PALLD: variants seen among roughly 807,000 people sequenced by gnomAD.
PALLD encodes palladin.
In PALLD, 61 loss-of-function variants were observed where a neutral mutation model predicts 123.5. The ratio of observed to expected loss-of-function variants is 0.49; its 90% CI spans 0.40 to 0.61. The LOEUF (loss-of-function observed/expected upper bound fraction) is 0.61, where lower values mean the gene tolerates loss of function less well. Among genes scored for constraint, PALLD ranks in the 20% least tolerant of loss-of-function variants. The pLI is 0.00. For missense variants in PALLD, 1,273 were observed against 1,377.0 expected, an observed-to-expected ratio of 0.92 and a Z score of 1.20; for synonymous variants, 465 against 496.4, an observed-to-expected ratio of 0.94 and a Z score of 0.84.
chr4:168,638,869 C>T (rs1180912320), intron 2 of PALLD, among the ~76,000 whole-genome samples: 2 of 152,088 alleles, frequency 1.3e-5, no homozygotes, highest in African/African-American at 4.8e-5. Flanking sequence ...ATCAGCTTAC[C>T]CCGATTCACA....
intron 10 of PALLD, among the ~76,000 whole-genome samples, chr4:168,734,293 TA>T (rs1425880306): frequency 6.6e-6 from 1 of 152,010 alleles, no homozygotes; most frequent in Non-Finnish European, 1.5e-5. Flanking sequence ...TTTTTAAGTG[TA>T]AAAAGTTATC....
intron 10 of PALLD, among the ~76,000 whole-genome samples, chr4:168,825,694 T>C (rs1161426396): frequency 3.3e-5 from 5 of 152,044 alleles, no homozygotes; most frequent in South Asian, 2.1e-4. Flanking sequence ...AAAACGGCGC[T>C]GCAACACCCT....
chr4:168,549,904 TGAA>T (rs1580262139), intron 2 of PALLD, among the ~76,000 whole-genome samples: 1 of 152,294 alleles, frequency 6.6e-6, no homozygotes, highest in Non-Finnish European at 1.5e-5. Context: ...ATCCCCAAAA[TGAA>T]GAAGTTTATG....
Position 168,711,792 on chromosome 4 carries a change from CG to C in PALLD, c.1835del (p.Gly612GlufsTer8). The C allele has an allele frequency of 2.5e-6, 4 of 1,614,124 alleles. No homozygotes were observed. The highest frequency in any genetic ancestry group is 2.5e-6 in the Non-Finnish European group (3 of 1,179,994). On this transcript the variant is annotated frameshift_variant, in exon 10 of 22. Coordinates refer to ENST00000505667, the MANE Select transcript of PALLD (RefSeq NM_001166108.2). LOFTEE classifies it high-confidence loss of function. Reference protein sequence around the residue: ...QFNAAERETNGVHPSRGVNGL... With the variant: ...QFNAAERETNXVHPSRGVNGL... ...TCAATGCTGCTGAGAGGGAAACGAA[CG>C]GAGTCCATCCCAGCCGTGGAGTAAA...
intron 2 of PALLD, among the ~76,000 whole-genome samples, chr4:168,540,152 C>G (rs1381411379): frequency 1.3e-5 from 2 of 152,090 alleles, no homozygotes; most frequent in African/African-American, 4.8e-5. Context: ...CGACATGAGC[C>G]CTAACGATTT....
intron 2 of PALLD, among the ~76,000 whole-genome samples, chr4:168,528,622 A>G (rs1177309402): frequency 8.3e-6 from 1 of 119,912 alleles, no homozygotes; most frequent in East Asian, 2.1e-4. Flanking sequence ...AGGTAGGCAA[A>G]CTATCCAAAG....
At chr4:168,638,263 A>G (rs920066732) in intron 2 of PALLD, among the ~76,000 whole-genome samples, 8 of 152,206 alleles carry the variant, frequency 5.3e-5, no homozygotes, top group Admixed American at 2.0e-4. Flanking sequence ...CATCTTGCCC[A>G]AGATCACATG....
intron 10 of PALLD, among the ~76,000 whole-genome samples, chr4:168,770,072 T>C (rs1195926983): frequency 1.3e-5 from 2 of 152,002 alleles, no homozygotes; most frequent in Non-Finnish European, 2.9e-5. Flanking sequence ...AAGAGAGGGG[T>C]CTTGGAAGGT....
intron 2 of PALLD, among the ~76,000 whole-genome samples, chr4:168,654,467 A>G (rs1242514257): frequency 6.6e-6 from 1 of 152,240 alleles, no homozygotes; most frequent in Non-Finnish European, 1.5e-5. Flanking sequence ...CATTTTCATC[A>G]TGACATAACG....
At chr4:168,545,113 T>C (rs1766014796) in intron 2 of PALLD, among the ~76,000 whole-genome samples, 1 of 152,162 alleles carries the variant, frequency 6.6e-6, no homozygotes, top group South Asian at 2.1e-4. Context: ...TGAAATCATT[T>C]CCTCATGAGC....
intron 2 of PALLD, among the ~76,000 whole-genome samples, chr4:168,558,316 T>C (rs184460785): frequency 1.4e-3 from 208 of 152,298 alleles, no homozygotes; most frequent in Non-Finnish European, 2.4e-3. Context: ...TGTGAAACTT[T>C]CCAGGACAGG....
chr4:168,765,120 G>A (rs1020342049), intron 10 of PALLD, among the ~76,000 whole-genome samples: 1 of 152,166 alleles, frequency 6.6e-6, no homozygotes, highest in Non-Finnish European at 1.5e-5. Flanking sequence ...CTAGTCCTTA[G>A]CTTTAACCTG....
intron 10 of PALLD, among the ~76,000 whole-genome samples, chr4:168,882,572 T>C (rs1474341854): frequency 4.2e-4 from 40 of 96,216 alleles, no homozygotes; most frequent in Non-Finnish European, 2.3e-4. Flanking sequence ...AGACATCTCA[T>C]CTACCTATCT....
At chr4:168,791,542 G>A (rs1194048158) in intron 10 of PALLD, among the ~76,000 whole-genome samples, 1 of 152,092 alleles carries the variant, frequency 6.6e-6, no homozygotes, top group African/African-American at 2.4e-5. Context: ...CATCAGATCT[G>A]GTGAGAACTC....
In PALLD at chr4:168,676,905, C is replaced by A. The variant is rs537997595; in HGVS notation, c.1088-4427C>A. Among the ~76,000 whole-genome samples, 19 of 152,188 alleles carry A rather than the reference C, an allele frequency of 1.2e-4. 2 individuals are homozygous for A. The highest frequency in any genetic ancestry group is 4.3e-4 in the African/African-American group (18 of 41,526). On this transcript the variant is annotated intron_variant, in intron 3 of 21. Coordinates refer to ENST00000505667, the MANE Select transcript of PALLD (RefSeq NM_001166108.2). Reference sequence around the variant, plus strand: ...GTAGGTTTTTAAAATGAAAAGGGAGCACCTTTTAAAGTCAAGGCAGGAGAC... The same window carrying A: ...GTAGGTTTTTAAAATGAAAAGGGAGAACCTTTTAAAGTCAAGGCAGGAGAC...
intron 10 of PALLD, among the ~76,000 whole-genome samples, chr4:168,838,895 GTTAA>G (rs894892760): frequency 1.4e-4 from 21 of 152,038 alleles, no homozygotes; most frequent in African/African-American, 4.8e-4. Context: ...AGCAATTACT[GTTAA>G]TTATTTCATT....
At chr4:168,835,043 T>C (rs530506055) in intron 10 of PALLD, among the ~76,000 whole-genome samples, 17 of 152,218 alleles carry the variant, frequency 1.1e-4, no homozygotes, top group Non-Finnish European at 2.1e-4. Flanking sequence ...TATTAGCGTG[T>C]TCCAACAGTT....
chr4:168,794,220 C>G (rs987792633), intron 10 of PALLD, among the ~76,000 whole-genome samples: 10 of 152,220 alleles, frequency 6.6e-5, no homozygotes, highest in African/African-American at 2.4e-4. Context: ...CCAGGCCCAC[C>G]TGGCCTGAGG....
chr4:168,777,469 A>T (rs528945654), intron 10 of PALLD, among the ~76,000 whole-genome samples: 1 of 152,228 alleles, frequency 6.6e-6, no homozygotes, highest in East Asian at 1.9e-4. Flanking sequence ...CCTGCATGAT[A>T]AGAGAAAATG....
Sources: gnomAD v4.1 joint callset for allele counts (sites outside exome capture counted in the v4.1 genomes callset) on GRCh38, gnomAD v4.1.1 for gene constraint, MANE v1.5 for transcripts, NCBI Gene and HGNC (gene_info 2026-07-23, HGNC 2026-07-21) for gene names.